The following AGPAT3 variants were observed in gnomAD, a reference collection of about 807,000 sequenced individuals.
AGPAT3 encodes 1-acyl-sn-glycerol-3-phosphate acyltransferase gamma.
Under a neutral mutation model 47.3 loss-of-function variants are expected in AGPAT3, and 5 were observed. The ratio of observed to expected loss-of-function variants is 0.11; its 90% confidence interval spans 0.06 to 0.22. The LOEUF (loss-of-function observed/expected upper bound fraction) is 0.22. Among genes scored for constraint, AGPAT3 ranks in the 10% least tolerant of loss-of-function variants. The pLI is 1.00. For missense variants in AGPAT3, 315 were observed against 493.0 expected, an observed-to-expected ratio of 0.64 and a Z score of 3.42; for synonymous variants, 212 against 208.3, an observed-to-expected ratio of 1.02 and a Z score of -0.15.
chr21:43,897,141 T>A (rs1302984841), intron 1 of AGPAT3, among the ~76,000 whole-genome samples: 1 of 151,768 alleles, frequency 6.6e-6, no homozygotes, highest in Non-Finnish European at 1.5e-5. Flanking sequence ...TACTTGAGAT[T>A]AGGGAGTGGT....
At chr21:43,942,255 C>T (rs910243585) in intron 2 of AGPAT3, among the ~76,000 whole-genome samples, 5 of 152,128 alleles carry the variant, frequency 3.3e-5, no homozygotes, top group Middle Eastern at 3.2e-3. Flanking sequence ...GGGACAGAGA[C>T]GTTGAGCGTC....
At chr21:43,892,329 A>T (rs891495760) in intron 1 of AGPAT3, among the ~76,000 whole-genome samples, 1 of 152,048 alleles carries the variant, frequency 6.6e-6, no homozygotes, top group African/African-American at 2.4e-5. Context: ...AGAAAAAAAA[A>T]GAAATTACTC....
chr21:43,913,259 T>A (rs777628308), intron 2 of AGPAT3, among the ~76,000 whole-genome samples: 1 of 152,212 alleles, frequency 6.6e-6, no homozygotes, highest in Non-Finnish European at 1.5e-5. Context: ...CATAGTCATA[T>A]GAAGAGCAGT....
intron 3 of AGPAT3, among the ~76,000 whole-genome samples, chr21:43,962,450 A>G (rs2146665365): frequency 6.6e-6 from 1 of 152,354 alleles, no homozygotes; most frequent in Non-Finnish European, 1.5e-5. Flanking sequence ...ATATTAACTG[A>G]TGAAAACTAA....
chr21:43,866,610 A>G (rs954620924), intron 1 of AGPAT3: 1 of 147,472 alleles, frequency 6.8e-6, no homozygotes, highest in Admixed American at 6.8e-5. Flanking sequence ...CTCCTCCCCC[A>G]CAGAGTTCGG....
rs1187390579 is a variant in AGPAT3, at chr21:43,920,313, ATG to A, written c.-49+16303_-49+16304del. Reference sequence around the variant, plus strand: ...GTGTGTGTGTGCGTGTGAGTGTTGAATGTGTGTGTGAGTGTGACTCGGCTGAG... The same window carrying A: ...GTGTGTGTGTGCGTGTGAGTGTTGAATGTGTGTGAGTGTGACTCGGCTGAG... On this transcript the variant is annotated intron_variant, in intron 2 of 9. Transcript: ENST00000291572. This position sits in a 1 kb window ranked among gnomAD's most constrained non-coding sequence, Gnocchi z 6.1. Among the ~76,000 whole-genome samples the A allele has an allele frequency of 1.3e-5, 2 of 151,878 alleles. 1 individual carries two copies. Among genetic ancestry groups the A allele is most frequent in the South Asian group, 4.2e-4 (2 of 4,814 alleles).
rs1230302110 is a variant in AGPAT3 at position 43,939,455 on chromosome 21, A to G, written c.-48-20179A>G. Among the ~76,000 whole-genome samples, 1 of 152,136 alleles carries G rather than the reference A, an allele frequency of 6.6e-6. No homozygotes were observed. The highest frequency in any genetic ancestry group is 2.4e-5 in the African/African-American group (1 of 41,424). On this transcript the variant is annotated intron_variant, in intron 2 of 9. Transcript: ENST00000291572. The surrounding 1 kb of genome is among the most constrained non-coding windows in gnomAD (Gnocchi z 4.4). ...TTGAGAGGTTTCAGGCTGGAGTGACATGGAGGGACGTGCCTGACTTCTGGA... is the reference window on the plus strand; with the variant it reads ...TTGAGAGGTTTCAGGCTGGAGTGACGTGGAGGGACGTGCCTGACTTCTGGA...
At position 43,939,784 on chromosome 21, in the gene AGPAT3, G is replaced by A. The variant is rs556402279; in HGVS notation, c.-48-19850G>A. On this transcript the variant is annotated intron_variant, in intron 2 of 9. Coordinates refer to ENST00000291572, the MANE Select transcript of AGPAT3 (RefSeq NM_020132.5). This position sits in a 1 kb window ranked among gnomAD's most constrained non-coding sequence, Gnocchi z 4.4. ...ACACTGGTGCTGTGAGGAGGAAGAT[G>A]TGGGCACTCTTAGGTCCCTGGTCCT... Among the ~76,000 whole-genome samples the A allele has an allele frequency of 3.3e-4, 51 of 152,334 alleles. 1 individual carries two copies. In the South Asian group the frequency reaches 0.01, roughly 30 times the overall value.
chr21:43,981,077 T>C lies in AGPAT3; in HGVS notation c.932T>C (p.Phe311Ser). Residue 311 changes from phenylalanine to serine, a missense_variant, in exon 9 of 10, where the codon TTC becomes TCC. Coordinates refer to ENST00000291572, the MANE Select transcript of AGPAT3 (RefSeq NM_020132.5). This position sits in a 1 kb window ranked among gnomAD's most constrained non-coding sequence, Gnocchi z 5.3. Reference sequence around the variant, plus strand: ...CGGAGGCCGTGGACCCTCCTGAACTTCCTGTCCTGGGCCACCATTCTCCTG... The same window carrying C: ...CGGAGGCCGTGGACCCTCCTGAACTCCCTGTCCTGGGCCACCATTCTCCTG... ...PARRPWTLLNFLSWATILLSP... is the reference protein window; with the variant it reads ...PARRPWTLLNSLSWATILLSP... 1 of 1,614,172 alleles carries C rather than the reference T, an allele frequency of 6.2e-7. No homozygotes were observed. The highest frequency in any genetic ancestry group is 8.5e-7 in the Non-Finnish European group (1 of 1,180,014).
At chr21:43,893,781 T>G (rs1461368782) in intron 1 of AGPAT3, among the ~76,000 whole-genome samples, 1 of 152,134 alleles carries the variant, frequency 6.6e-6, no homozygotes, top group African/African-American at 2.4e-5. Context: ...ATGCACGACC[T>G]TTTTCCACTC....
At chr21:43,900,000 TG>T (rs1289623701) in intron 1 of AGPAT3, among the ~76,000 whole-genome samples, 7 of 152,204 alleles carry the variant, frequency 4.6e-5, no homozygotes, top group African/African-American at 1.7e-4. Context: ...TAGTTTAACG[TG>T]GGCAGGCAAA....
At position 43,969,144 on chromosome 21, in the gene AGPAT3, G is replaced by C. The variant is rs774499427; in HGVS notation, c.375G>C (p.Glu125Asp). 1.9e-6 allele frequency: 3 copies of C among 1,614,208 alleles called. No individual in the cohort carries two copies. The highest frequency in any genetic ancestry group is 2.2e-5 in the South Asian group (2 of 91,088). Reference protein sequence around the residue: ...LGSSKVLAKKELLYVPLIGWT... With the variant: ...LGSSKVLAKKDLLYVPLIGWT... ...GCTCCAAGGTCCTCGCTAAGAAGGAGCTGCTCTACGTGCCCCTCATCGGCT... is the reference window on the plus strand; with the variant it reads ...GCTCCAAGGTCCTCGCTAAGAAGGACCTGCTCTACGTGCCCCTCATCGGCT... Residue 125 changes from glutamate (E) to aspartate (D), a missense_variant, in exon 5 of 10, where the codon GAG becomes GAC. Glu to Asp is a conservative substitution (Grantham distance 45). Transcript: ENST00000291572.
At chr21:43,914,613 G>T (rs929221142) in intron 2 of AGPAT3, among the ~76,000 whole-genome samples, 1 of 151,388 alleles carries the variant, frequency 6.6e-6, no homozygotes, top group Non-Finnish European at 1.5e-5. Flanking sequence ...GCAGTGGTGC[G>T]ATCTTGGCTC....
chr21:43,976,611 C>T (rs909261676), intron 7 of AGPAT3, among the ~76,000 whole-genome samples: 3 of 152,214 alleles, frequency 2.0e-5, no homozygotes, highest in African/African-American at 7.2e-5. Context: ...TAAGAAAACT[C>T]TTCAGACACA....
At chr21:43,907,193 C>T (rs1015156252) in intron 2 of AGPAT3, among the ~76,000 whole-genome samples, 8 of 152,060 alleles carry the variant, frequency 5.3e-5, no homozygotes, top group Admixed American at 1.3e-4. Context: ...CCACCACACG[C>T]GGCTTTTTTA....
chr21:43,887,845 G>C (rs2086015247), intron 1 of AGPAT3, among the ~76,000 whole-genome samples: 1 of 151,956 alleles, frequency 6.6e-6, no homozygotes, highest in Non-Finnish European at 1.5e-5. Context: ...GTAGAGACTG[G>C]GTTTCGCCAT....
At chr21:43,894,429 T>C (rs527705605) in intron 1 of AGPAT3, among the ~76,000 whole-genome samples, 6 of 152,026 alleles carry the variant, frequency 3.9e-5, no homozygotes, top group Admixed American at 1.3e-4. Flanking sequence ...TGTGGAGATA[T>C]AGTTCACCCA....
At position 43,982,206 on chromosome 21, in the gene AGPAT3, G is replaced by A; in HGVS notation, c.1043-98G>A. 1 of 875,924 alleles carries A rather than the reference G, an allele frequency of 1.1e-6. No homozygotes were observed. Among genetic ancestry groups the A allele is most frequent in the Non-Finnish European group, 1.8e-6 (1 of 545,676 alleles). The allele number at this position is 875,924 out of a possible 1,614,324, so 54.3% of individuals were successfully genotyped here. On this transcript the variant is annotated intron_variant, in intron 9 of 9. Coordinates refer to ENST00000291572, the MANE Select transcript of AGPAT3 (RefSeq NM_020132.5). The surrounding 1 kb of genome is among the most constrained non-coding windows in gnomAD (Gnocchi z 6.2). ...CCACTGGGTGCGGGGCAGAGGGACAGGGTCTGGGGCAGAGGAAGGAAGCCC... is the reference window on the plus strand; with the variant it reads ...CCACTGGGTGCGGGGCAGAGGGACAAGGTCTGGGGCAGAGGAAGGAAGCCC...
chr21:43,935,557 C>A (rs1247487788), intron 2 of AGPAT3, among the ~76,000 whole-genome samples: 1 of 152,242 alleles, frequency 6.6e-6, no homozygotes, highest in Non-Finnish European at 1.5e-5. Flanking sequence ...TACTGGGCAT[C>A]GGCGCTGCTG....
Sources: allele counts gnomAD v4.1 joint callset (sites outside exome capture counted in the v4.1 genomes callset), GRCh38; gene constraint gnomAD v4.1.1; non-coding constraint Gnocchi (gnomAD v3.1); transcripts MANE v1.5; gene names NCBI Gene and HGNC (gene_info 2026-07-23, HGNC 2026-07-21).